The following SEC61A2 variants were observed in gnomAD, a reference collection of about 807,000 sequenced individuals.
SEC61A2 encodes SEC61 translocon subunit alpha 2.
A neutral mutation model predicts 59.9 loss-of-function variants in SEC61A2; 28 were observed. The ratio of observed to expected loss-of-function variants is 0.47; its 90% CI spans 0.35 to 0.64. SEC61A2 has a LOEUF of 0.64. SEC61A2 is among the 30% of genes least tolerant of loss of function. The probability of loss-of-function intolerance (pLI) is 0.01; values close to 1 mark genes in which losing one functional copy is unlikely to be tolerated. For missense variants in SEC61A2, 340 were observed against 585.9 expected, an observed-to-expected ratio of 0.58 and a Z score of 4.33; for synonymous variants, 202 against 214.4, an observed-to-expected ratio of 0.94 and a Z score of 0.50.
At position 12,149,851 on chromosome 10, in the gene SEC61A2, G is replaced by C; in HGVS notation, c.353-1G>C. On this transcript the variant is annotated splice_acceptor_variant, in intron 5 of 11. Coordinates refer to ENST00000298428, the MANE Select transcript of SEC61A2 (RefSeq NM_018144.4). LOFTEE classifies it high-confidence loss of function. The surrounding 1 kb of genome is among the most constrained non-coding windows in gnomAD (Gnocchi z 5.2). ...TCTCCTTTCCCCCCAACTTTCATCA[G>C]TGTTTGGTATGATCATTACCATTGG... is the stretch of plus-strand genomic sequence containing the variant. 1 of 1,613,662 alleles carries C rather than the reference G, an allele frequency of 6.2e-7. No homozygotes were observed. Among genetic ancestry groups the C allele is most frequent in the East Asian group, 2.2e-5 (1 of 44,874 alleles).
At chr10:12,139,556 A>G (rs1249900394) in intron 3 of SEC61A2, among the ~76,000 whole-genome samples, 2 of 151,904 alleles carry the variant, frequency 1.3e-5, no homozygotes, top group East Asian at 2.0e-4. Flanking sequence ...AGGCCAACGC[A>G]GGCGGATCAC....
rs984325680 is a variant in SEC61A2 at position 12,145,340 on chromosome 10, T to C, written c.220+2145T>C. Among the ~76,000 whole-genome samples, 4 of 152,198 alleles carry C rather than the reference T, an allele frequency of 2.6e-5. No homozygotes were observed. The highest frequency in any genetic ancestry group is 9.7e-5 in the African/African-American group (4 of 41,450). On this transcript the variant is annotated intron_variant, in intron 4 of 11. Coordinates refer to ENST00000298428, the MANE Select transcript of SEC61A2 (RefSeq NM_018144.4). This position sits in a 1 kb window ranked among gnomAD's most constrained non-coding sequence, Gnocchi z 4.4. ...TTTGATAGAATGAATTTCTAGAAGT[T>C]CAACTGTTGGGTCACAAGATAGGCA...
chr10:12,144,969 A>G (rs1025274716), intron 4 of SEC61A2, among the ~76,000 whole-genome samples: 3 of 151,934 alleles, frequency 2.0e-5, no homozygotes, highest in Admixed American at 6.6e-5. Flanking sequence ...GGATGGCTTG[A>G]GCCTGGGAGG....
Position 12,161,054 on chromosome 10 carries a change from T to C in SEC61A2, c.1100T>C (p.Phe367Ser). Residue 367 changes from phenylalanine to serine, a missense_variant, in exon 10 of 12, where the codon TTC becomes TCC. Phe to Ser is a radical substitution (Grantham distance 155, BLOSUM62 -2). This residue lies in a region of SEC61A2 where 283 missense variants were observed against 483.2 expected (regional missense o/e 0.59). Coordinates refer to ENST00000298428, the MANE Select transcript of SEC61A2 (RefSeq NM_018144.4). This position sits in a 1 kb window ranked among gnomAD's most constrained non-coding sequence, Gnocchi z 5.4. ...DPVHVVVYII[F>S]MLGSCAFFSK... The stretch of plus-strand genomic sequence containing the variant: ...GTCCATGTCGTTGTTTATATCATCT[T>C]CATGTTGGGGTCATGTGCATTCTTC... The C allele has an allele frequency of 6.2e-7, 1 of 1,614,168 alleles. No individual in the cohort carries two copies. Among genetic ancestry groups the C allele is most frequent in the Non-Finnish European group, 8.5e-7 (1 of 1,179,976 alleles).
At chr10:12,157,766 G>A in intron 8 of SEC61A2, 142 bp from the exon 9 acceptor site, 3 of 716,966 alleles carry the variant, frequency 4.2e-6, no homozygotes, top group South Asian at 1.9e-5. Context: ...CTCCCAAAGT[G>A]TTGGGATTAC....
In SEC61A2 at chr10:12,155,447, G is replaced by C. The variant is rs1157439218; in HGVS notation, c.463-331G>C. On this transcript the variant is annotated intron_variant, in intron 6 of 11. Transcript: ENST00000298428. This position sits in a 1 kb window ranked among gnomAD's most constrained non-coding sequence, Gnocchi z 4.3. Reference sequence around the variant, plus strand: ...CAGTTTCTTGCTGTCATAAATTCTAGAATACTGTGATCATTTTTTGTTTCA... The same window carrying C: ...CAGTTTCTTGCTGTCATAAATTCTACAATACTGTGATCATTTTTTGTTTCA... The C allele has an allele frequency of 5.9e-5, 65 of 1,110,280 alleles. No homozygotes were observed. The highest frequency in any genetic ancestry group is 8.2e-5 in the Non-Finnish European group (65 of 794,340). 68.8% of individuals were successfully genotyped at this position (1,110,280 alleles called of 1,614,324 possible). A position where few individuals can be genotyped will look rare whatever the true frequency, so the allele number is the denominator to read the frequency against.
rs1221004863 is a variant in SEC61A2, at chr10:12,142,733, C to T, written c.142-384C>T. On this transcript the variant is annotated intron_variant, in intron 3 of 11. Coordinates refer to ENST00000298428, the MANE Select transcript of SEC61A2 (RefSeq NM_018144.4). This position sits in a 1 kb window ranked among gnomAD's most constrained non-coding sequence, Gnocchi z 5.4. The stretch of plus-strand genomic sequence containing the variant: ...GCGATGTATTTACTAGTGAATGCAC[C>T]AAGTGATGATTTGTTGTTTTTATTT... Among the ~76,000 whole-genome samples, 1 of 152,158 alleles carries T rather than the reference C, an allele frequency of 6.6e-6. No individual in the cohort carries two copies. Among genetic ancestry groups the T allele is most frequent in the African/African-American group, 2.4e-5 (1 of 41,452 alleles).
intron 2 of SEC61A2, among the ~76,000 whole-genome samples, chr10:12,135,449 A>C (rs1833862924): frequency 1.3e-5 from 2 of 152,242 alleles, no homozygotes; most frequent in African/African-American, 4.8e-5. Flanking sequence ...AATTTTTTAG[A>C]ACATATTTCT....
At chr10:12,139,108 C>T (rs184139585) in intron 3 of SEC61A2, among the ~76,000 whole-genome samples, 15 of 152,148 alleles carry the variant, frequency 9.9e-5, no homozygotes, top group African/African-American at 3.4e-4. Flanking sequence ...ATTTCAGGCA[C>T]GTGCTACCAT....
rs779921852 is a variant in SEC61A2, at chr10:12,160,198, T to C, written c.976-732T>C. Among the ~76,000 whole-genome samples the C allele has an allele frequency of 6.6e-6, 1 of 152,202 alleles. No individual in the cohort carries two copies. The highest frequency in any genetic ancestry group is 1.5e-5 in the Non-Finnish European group (1 of 68,022). ...ATTTGTGTTATGATTTTGAGTAAGATTCTTCTGAATGAGAGAATGATTGGG... is the reference window on the plus strand; with the variant it reads ...ATTTGTGTTATGATTTTGAGTAAGACTCTTCTGAATGAGAGAATGATTGGG... On this transcript the variant is annotated intron_variant, in intron 9 of 11. Transcript: ENST00000298428. This position sits in a 1 kb window ranked among gnomAD's most constrained non-coding sequence, Gnocchi z 4.1.
At chr10:12,159,052 A>T (rs1271720452) in intron 9 of SEC61A2, among the ~76,000 whole-genome samples, 1 of 147,020 alleles carries the variant, frequency 6.8e-6, no homozygotes, top group Non-Finnish European at 1.5e-5. Context: ...ATCTCGGCTC[A>T]CTGCAAGCTC....
chr10:12,145,243 GT>G lies in SEC61A2; in HGVS notation c.220+2055del, dbSNP rs144631095. On this transcript the variant is annotated intron_variant, in intron 4 of 11. Coordinates refer to ENST00000298428, the MANE Select transcript of SEC61A2 (RefSeq NM_018144.4). This position sits in a 1 kb window ranked among gnomAD's most constrained non-coding sequence, Gnocchi z 4.4. ...AGGTTCCTTTCTTGTCATATATTAC[GT>G]TTTTTTCCCCCCGATTTTATATCAT... Among the ~76,000 whole-genome samples, 81 of 152,050 alleles carry G rather than the reference GT, an allele frequency of 5.3e-4. No homozygotes were observed. The highest frequency in any genetic ancestry group is 1.4e-3 in the African/African-American group (59 of 41,492).
At position 12,156,858 on chromosome 10, in the gene SEC61A2, A is replaced by G. The variant is rs1834407675; in HGVS notation, c.617-49A>G. The G allele has an allele frequency of 1.3e-6, 2 of 1,583,130 alleles. No individual in the cohort carries two copies. Among genetic ancestry groups the G allele is most frequent in the African/African-American group, 1.4e-5 (1 of 73,116 alleles). On this transcript the variant is annotated intron_variant, in intron 7 of 11. Coordinates refer to ENST00000298428, the MANE Select transcript of SEC61A2 (RefSeq NM_018144.4). This position sits in a 1 kb window ranked among gnomAD's most constrained non-coding sequence, Gnocchi z 5.2. ...CACGGTTAGTTGTTTGAGCTTTGGG[A>G]CAGCTTTGGACGATGAGTCCACAGG...
chr10:12,149,770 T>C lies in SEC61A2; in HGVS notation c.352+44T>C, dbSNP rs1834232892. 2 of 1,606,320 alleles carry C rather than the reference T, an allele frequency of 1.2e-6. No individual in the cohort carries two copies. Among genetic ancestry groups the C allele is most frequent in the East Asian group, 2.2e-5 (1 of 44,776 alleles). On this transcript the variant is annotated intron_variant, in intron 5 of 11. Coordinates refer to ENST00000298428, the MANE Select transcript of SEC61A2 (RefSeq NM_018144.4). The surrounding 1 kb of genome is among the most constrained non-coding windows in gnomAD (Gnocchi z 5.2). ...AAAGAGCATTCTCCAAATTTGAGAG[T>C]GCTCGTGGTAAAGATGTTTTCTCTA...
Position 12,153,288 on chromosome 10 carries a change from T to G in SEC61A2, c.463-2490T>G, listed in dbSNP as rs1047911118. Among the ~76,000 whole-genome samples the G allele has an allele frequency of 1.3e-5, 2 of 152,210 alleles. No homozygotes were observed. The highest frequency in any genetic ancestry group is 2.9e-5 in the Non-Finnish European group (2 of 68,034). On this transcript the variant is annotated intron_variant, in intron 6 of 11. Coordinates refer to ENST00000298428, the MANE Select transcript of SEC61A2 (RefSeq NM_018144.4). This position sits in a 1 kb window ranked among gnomAD's most constrained non-coding sequence, Gnocchi z 5.2. Reference sequence around the variant, plus strand: ...GCCAATTGTTGCCTTCAGTTTTGTTTCTTTACAGCATTTTCTTTCTGCAAT... The same window carrying G: ...GCCAATTGTTGCCTTCAGTTTTGTTGCTTTACAGCATTTTCTTTCTGCAAT...
In SEC61A2 at chr10:12,145,963, A is replaced by T. The variant is rs765362895; in HGVS notation, c.220+2768A>T. On this transcript the variant is annotated intron_variant, in intron 4 of 11. Transcript: ENST00000298428. This position sits in a 1 kb window ranked among gnomAD's most constrained non-coding sequence, Gnocchi z 4.4. ...CAGCCCTTAGGCCTCAGCAGCAGGG[A>T]TTGGTGAACATTTTCCATTCTCTGT... is the stretch of plus-strand genomic sequence containing the variant. 7.2e-5 allele frequency among the ~76,000 whole-genome samples: 11 copies of T among 152,170 alleles called. No homozygotes were observed. Among genetic ancestry groups the T allele is most frequent in the African/African-American group, 1.4e-4 (6 of 41,432 alleles).
In SEC61A2 at chr10:12,136,241, A is replaced by AT. The variant is rs538235091; in HGVS notation, c.141+79dup. Reference sequence around the variant, plus strand: ...GGTTTTGATTGGTTAGAATTTGAGAATTTTTTTTGTTAAAATAAAGAATAC... The same window carrying AT: ...GGTTTTGATTGGTTAGAATTTGAGAATTTTTTTTTGTTAAAATAAAGAATAC... On this transcript the variant is annotated intron_variant, in intron 3 of 11. Coordinates refer to ENST00000298428, the MANE Select transcript of SEC61A2 (RefSeq NM_018144.4). 9.2e-4 allele frequency: 894 copies of AT among 970,910 alleles called. 4 individuals carry two copies. Among genetic ancestry groups the AT allele is most frequent in the East Asian group, 8.1e-3 (338 of 41,618 alleles). The allele number at this position is 970,910 out of a possible 1,614,324, so 60.1% of individuals were successfully genotyped here. A position where few individuals can be genotyped will look rare whatever the true frequency, so the allele number is the denominator to read the frequency against.
chr10:12,156,486 G>A lies in SEC61A2; in HGVS notation c.617-421G>A, dbSNP rs1834398134. The stretch of plus-strand genomic sequence containing the variant: ...TAAGAAAACTGTAATGATGATTAAT[G>A]TTCTTGGTGCGGTAAACTTCGAGGC... On this transcript the variant is annotated intron_variant, in intron 7 of 11. Coordinates refer to ENST00000298428, the MANE Select transcript of SEC61A2 (RefSeq NM_018144.4). This position sits in a 1 kb window ranked among gnomAD's most constrained non-coding sequence, Gnocchi z 5.2. Among the ~76,000 whole-genome samples the A allele has an allele frequency of 6.6e-6, 1 of 152,158 alleles. No individual in the cohort carries two copies. The highest frequency in any genetic ancestry group is 6.5e-5 in the Admixed American group (1 of 15,278).
rs748149043 is a variant in SEC61A2 at position 12,164,496 on chromosome 10, C to CT, written c.*45dup. On this transcript the variant is annotated 3_prime_UTR_variant, in exon 12 of 12. Transcript: ENST00000298428. This position sits in a 1 kb window ranked among gnomAD's most constrained non-coding sequence, Gnocchi z 7.3. ...TTTTGTGCGTGTGAAAGGGAAAACA[C>CT]TTTGACGGATCGTTTTTGTCAGATG... is the stretch of plus-strand genomic sequence containing the variant. The CT allele has an allele frequency of 1.9e-6, 3 of 1,585,762 alleles. No homozygotes were observed. The South Asian group carries it at 3.4e-5, about 18-fold the overall frequency.
Sources: allele counts gnomAD v4.1 joint callset (sites outside exome capture counted in the v4.1 genomes callset), GRCh38; gene constraint gnomAD v4.1.1; regional missense constraint gnomAD v4.1.1; non-coding constraint Gnocchi (gnomAD v3.1); transcripts MANE v1.5; gene names NCBI Gene and HGNC (gene_info 2026-07-23, HGNC 2026-07-21).